Variants in BRWD3 observed in about 807,000 individuals in gnomAD.
BRWD3 encodes bromodomain and WD repeat domain containing 3.
A neutral mutation model predicts 149.7 loss-of-function variants in BRWD3; 10 were observed. That is an observed-to-expected ratio of 0.07 (90% CI 0.04 to 0.11). The LOEUF (loss-of-function observed/expected upper bound fraction) is 0.11. BRWD3 is among the 10% of genes least tolerant of loss of function. BRWD3 has a pLI of 1.00. For synonymous variants in BRWD3, 504 were observed against 456.7 expected (o/e 1.10, Z -1.32); for missense variants, 940 against 1,373.2 (o/e 0.68, Z 4.99).
intron 6 of BRWD3, among the ~76,000 whole-genome samples, chrX:80,749,403 GC>G (rs1313934275): frequency 9.0e-6 from 1 of 111,246 alleles, no homozygotes; most frequent in African/African-American, 3.3e-5. Flanking sequence ...ATTTACAACT[GC>G]CAAACTTCTT....
chrX:80,736,715 A>G (rs1234590280), intron 8 of BRWD3, among the ~76,000 whole-genome samples: 2 of 110,234 alleles, frequency 1.8e-5, no homozygotes, highest in African/African-American at 6.6e-5. Flanking sequence ...AAAGTTGTCA[A>G]TACAGAGGAC....
rs748590330 is a variant in BRWD3, at chrX:80,803,529, AAT to A, written c.180+5008_180+5009del. ...TCAATCTAGACAAATCGCTAAAGCC[AAT>A]ATATTTCAGAGAGCGCGTGGTGGCT... On this transcript the variant is annotated intron_variant, in intron 4 of 40. Coordinates refer to ENST00000373275, the MANE Select transcript of BRWD3 (RefSeq NM_153252.5). Among the ~76,000 whole-genome samples, 3 of 112,282 alleles carry A rather than the reference AAT, an allele frequency of 2.7e-5. No individual in the cohort carries two copies. In the South Asian group the frequency reaches 1.1e-3, roughly 41 times the overall value.
chrX:80,725,455 T>G (rs750405619), intron 14 of BRWD3, among the ~76,000 whole-genome samples: 78 of 112,138 alleles, frequency 7.0e-4, no homozygotes, highest in Non-Finnish European at 1.2e-3. Flanking sequence ...CTATTCTCTA[T>G]TACTGGTATT....
At chrX:80,718,245 A>G (rs2073100250) in intron 18 of BRWD3, among the ~76,000 whole-genome samples, 1 of 112,140 alleles carries the variant, frequency 8.9e-6, no homozygotes, top group African/African-American at 3.2e-5. Flanking sequence ...ATGAGCAACG[A>G]AAGAAAGAAA....
chrX:80,737,284 C>T (rs1352881272), intron 8 of BRWD3, among the ~76,000 whole-genome samples: 1 of 111,195 alleles, frequency 9.0e-6, no homozygotes, highest in Non-Finnish European at 1.9e-5. Flanking sequence ...ATATGTACAT[C>T]CTCCTGTATA....
intron 25 of BRWD3, 123 bp from the exon 26 acceptor site, chrX:80,696,986 A>T (rs1487425515): frequency 2.9e-6 from 2 of 693,393 alleles, no homozygotes; most frequent in East Asian, 7.2e-5. Context: ...GCACTACACT[A>T]AGTGTTAAAG....
intron 4 of BRWD3, among the ~76,000 whole-genome samples, chrX:80,806,504 A>G (rs969572376): frequency 1.8e-5 from 2 of 112,007 alleles, no homozygotes; most frequent in African/African-American, 6.5e-5. Context: ...AGCAAACAAT[A>G]TATGACAAGA....
intron 6 of BRWD3, among the ~76,000 whole-genome samples, chrX:80,787,944 C>T (rs2074130229): frequency 9.2e-6 from 1 of 108,963 alleles, no homozygotes; most frequent in African/African-American, 3.3e-5. Context: ...ATTAGCTGGG[C>T]GTGGTGGCGG....
At chrX:80,680,887 T>C (rs1199178684) in intron 40 of BRWD3, among the ~76,000 whole-genome samples, 1 of 109,308 alleles carries the variant, frequency 9.1e-6, no homozygotes, top group Non-Finnish European at 1.9e-5. Context: ...CAGCTCACTG[T>C]AGTCTCCTAC....
intron 6 of BRWD3, among the ~76,000 whole-genome samples, chrX:80,788,887 A>G (rs1463496277): frequency 2.7e-5 from 3 of 112,189 alleles, no homozygotes. Context: ...GACATTTTAA[A>G]TAACATGAAG....
At chrX:80,721,425 T>C (rs2073148438) in intron 17 of BRWD3, among the ~76,000 whole-genome samples, 1 of 111,877 alleles carries the variant, frequency 8.9e-6, no homozygotes, top group South Asian at 3.7e-4. Context: ...ATTTCCCTGC[T>C]CTACAACCTT....
chrX:80,744,107 T>C lies in BRWD3; in HGVS notation c.738A>G (p.Val246=). The C allele has an allele frequency of 8.3e-7, 1 of 1,211,637 alleles. No homozygotes were observed. Among genetic ancestry groups the C allele is most frequent in the Non-Finnish European group, 1.1e-6 (1 of 895,326 alleles). Reference sequence around the variant, plus strand: ...CACAAGTTCGAAGACACCATACTCTTACTACCTTATCACAGCTGCCTGCAG... The same window carrying C: ...CACAAGTTCGAAGACACCATACTCTCACTACCTTATCACAGCTGCCTGCAG... ...LIAAGSCDKV[V]RVWCLRTCAP... is the part of the protein sequence containing the mutation. Residue 246 remains valine, a synonymous_variant, in exon 8 of 41, where the codon GTA becomes GTG. Transcript: ENST00000373275.
At position 80,676,930 on chromosome X, in the gene BRWD3, A is replaced by T; in HGVS notation, c.5088T>A (p.Ser1696Arg). The change falls in exon 41 of 41, where the codon AGT becomes AGA. Residue 1696 changes from serine to arginine, a missense_variant. Physicochemically the swap from Ser to Arg is moderately radical, Grantham distance 110. This residue lies in a region of BRWD3 where 349 missense variants were observed against 419.6 expected (regional missense o/e 0.83). Coordinates refer to ENST00000373275, the MANE Select transcript of BRWD3 (RefSeq NM_153252.5). ...GRGRGGRGRG[S>R]RGRGGGGTRG... ...TAGTGCCACCTCCACCTCTTCCTCG[A>T]CTCCCTCGTCCCCTGCCTCCTCTTC... 1 of 1,198,462 alleles carries T rather than the reference A, an allele frequency of 8.3e-7. No individual in the cohort carries two copies. Among genetic ancestry groups the T allele is most frequent in the South Asian group, 1.8e-5 (1 of 56,451 alleles).
chrX:80,753,066 G>T (rs752737920), intron 6 of BRWD3, among the ~76,000 whole-genome samples: 1 of 111,484 alleles, frequency 9.0e-6, no homozygotes, highest in East Asian at 2.8e-4. Flanking sequence ...TCTGAGTTTT[G>T]TTGTTGAGTT....
intron 6 of BRWD3, among the ~76,000 whole-genome samples, chrX:80,748,096 G>C (rs952518687): frequency 1.8e-5 from 2 of 111,627 alleles, no homozygotes; most frequent in African/African-American, 6.5e-5. Flanking sequence ...GCCCACCTCA[G>C]CCTCCCAAAG....
intron 6 of BRWD3, among the ~76,000 whole-genome samples, chrX:80,786,923 C>T (rs1487776795): frequency 9.0e-6 from 1 of 111,264 alleles, no homozygotes; most frequent in Non-Finnish European, 1.9e-5. Context: ...GTAAATCTGT[C>T]TTTATTTGCA....
At chrX:80,730,445 G>GAAAGAAAGA (rs1555972939) in intron 12 of BRWD3, among the ~76,000 whole-genome samples, 2 of 108,355 alleles carry the variant, frequency 1.8e-5, no homozygotes, top group African/African-American at 3.4e-5. Flanking sequence ...AAGAAAGAAA[G>GAAAGAAAGA]AAAGACACAG....
chrX:80,800,713 T>A (rs1482920405), intron 4 of BRWD3, among the ~76,000 whole-genome samples: 2 of 110,448 alleles, frequency 1.8e-5, no homozygotes, highest in Non-Finnish European at 3.8e-5. Flanking sequence ...GTTTTAATGG[T>A]TGCTGAATTT....
intron 25 of BRWD3, among the ~76,000 whole-genome samples, chrX:80,698,570 G>A (rs1602318130): frequency 9.1e-6 from 1 of 110,132 alleles, no homozygotes; most frequent in Admixed American, 9.8e-5. Flanking sequence ...TTAGCCAGGC[G>A]TGGTGGTGGG....
Sources: gnomAD v4.1 joint callset for allele counts (sites outside exome capture counted in the v4.1 genomes callset) on GRCh38, gnomAD v4.1.1 for gene constraint, gnomAD v4.1.1 regional missense constraint, MANE v1.5 for transcripts, NCBI Gene and HGNC (gene_info 2026-07-23, HGNC 2026-07-21) for gene names.